Variants in PDE4D observed in about 807,000 individuals in gnomAD.
PDE4D encodes phosphodiesterase 4D, also known as 3',5'-cyclic-AMP phosphodiesterase 4D.
PDE4D carries 24 observed loss-of-function variants against 87.4 expected under a neutral mutation model. The ratio of observed to expected loss-of-function variants is 0.27; its 90% CI spans 0.20 to 0.39. The LOEUF (loss-of-function observed/expected upper bound fraction) is 0.39, where lower values mean the gene tolerates loss of function less well. PDE4D is among the 10% of genes least tolerant of loss of function. The pLI, the probability that PDE4D is intolerant of heterozygous loss-of-function variation, is 1.00. For missense variants in PDE4D, 714 were observed against 1,041.0 expected (o/e 0.69, Z 4.32); for synonymous variants, 384 against 383.2 (o/e 1.00, Z -0.02).
Position 59,647,020 on chromosome 5 carries a change from G to A in PDE4D, c.455+246148C>T, listed in dbSNP as rs559258322. Reference sequence around the variant, plus strand: ...ACTGCACTCCAGCCTGGGTGACAGAGAGAGACTCTATCTCAAACAAAAACA... The same window carrying A: ...ACTGCACTCCAGCCTGGGTGACAGAAAGAGACTCTATCTCAAACAAAAACA... On this transcript the variant is annotated intron_variant, in intron 1 of 14. Coordinates refer to ENST00000340635, the MANE Select transcript of PDE4D (RefSeq NM_001104631.2). 6.6e-5 allele frequency among the ~76,000 whole-genome samples: 10 copies of A among 152,208 alleles called. No homozygotes were observed. The East Asian group carries it at 1.5e-3, about 23-fold the overall frequency.
chr5:60,389,925 T>C (rs1181741960), intron 1 of PDE4D, among the ~76,000 whole-genome samples: 1 of 152,242 alleles, frequency 6.6e-6, no homozygotes, highest in Non-Finnish European at 1.5e-5. Flanking sequence ...GGCCATGTTT[T>C]AAAGCTGCCA....
chr5:59,676,096 T>TACAC (rs758761936), intron 1 of PDE4D, among the ~76,000 whole-genome samples: 19 of 137,432 alleles, frequency 1.4e-4, no homozygotes, highest in South Asian at 7.0e-4. Context: ...TGTATATGTA[T>TACAC]ATACACACAC....
At chr5:60,460,255 T>TCAC (rs1179765526) in intron 1 of PDE4D, 4 of 1,105,676 alleles carry the variant, frequency 3.6e-6, no homozygotes, top group Non-Finnish European at 5.6e-6. Flanking sequence ...TGAAGATGGA[T>TCAC]CACCACTCTC....
chr5:60,039,941 G>A (rs972995104), intron 2 of PDE4D, among the ~76,000 whole-genome samples: 8 of 152,104 alleles, frequency 5.3e-5, no homozygotes, highest in African/African-American at 1.9e-4. Context: ...ATTTATTGTG[G>A]AAATAAATTC....
At chr5:60,346,746 AACAC>A (rs1475666725) in intron 1 of PDE4D, among the ~76,000 whole-genome samples, 1 of 152,120 alleles carries the variant, frequency 6.6e-6, no homozygotes, top group Non-Finnish European at 1.5e-5. Flanking sequence ...AAAGGGGATA[AACAC>A]TCCTATTTGC....
At chr5:60,305,708 T>A (rs1475588324) in intron 1 of PDE4D, among the ~76,000 whole-genome samples, 1 of 141,692 alleles carries the variant, frequency 7.1e-6, no homozygotes, top group South Asian at 2.2e-4. Flanking sequence ...ACTTCTTACT[T>A]AAAAAAAAAA....
At chr5:60,501,360 A>C (rs896014413) in intron 1 of PDE4D, among the ~76,000 whole-genome samples, 1 of 151,790 alleles carries the variant, frequency 6.6e-6, no homozygotes, top group Non-Finnish European at 1.5e-5. Flanking sequence ...ATAGTATTCC[A>C]TGGTGTATAT....
chr5:59,760,724 A>G (rs1033103909), intron 1 of PDE4D, among the ~76,000 whole-genome samples: 2 of 152,184 alleles, frequency 1.3e-5, no homozygotes, highest in Non-Finnish European at 2.9e-5. Flanking sequence ...AATGCTACCC[A>G]TGAATATTAG....
chr5:59,893,368 C>CGGGGGCGGCGGCAGG lies in PDE4D; in HGVS notation c.240_254dup (p.Leu81_Pro85dup), dbSNP rs755378627. ...GGCCGCGGGCAGCCCCGGGCGGCGG[C>CGGGGGCGGCGGCAGG]GGGGGCGGCGGCAGGGGGGGCGGCG... On this transcript the variant is annotated inframe_insertion, in exon 1 of 15. Coordinates refer to ENST00000340635, the MANE Select transcript of PDE4D (RefSeq NM_001104631.2). The CGGGGGCGGCGGCAGG allele has an allele frequency of 1.9e-4, 239 of 1,240,752 alleles. 1 individual carries two copies. In the African/African-American group the frequency reaches 3.4e-3, roughly 18 times the overall value. The allele number at this position is 1,240,752 out of a possible 1,614,324, so 76.9% of individuals were successfully genotyped here. A position where few individuals can be genotyped will look rare whatever the true frequency, so the allele number is the denominator to read the frequency against.
At chr5:60,000,506 A>G (rs1763922856) in intron 2 of PDE4D, among the ~76,000 whole-genome samples, 1 of 152,194 alleles carries the variant, frequency 6.6e-6, no homozygotes, top group South Asian at 2.1e-4. Flanking sequence ...AATGGAGGAG[A>G]AATAAAGATA....
At chr5:59,456,317 A>G (rs1799918747) in intron 1 of PDE4D, among the ~76,000 whole-genome samples, 1 of 152,178 alleles carries the variant, frequency 6.6e-6, no homozygotes, top group South Asian at 2.1e-4. Flanking sequence ...AATGAGTCTC[A>G]TAAGATCTGA....
intron 1 of PDE4D, among the ~76,000 whole-genome samples, chr5:60,211,454 G>A (rs1026492305): frequency 7.0e-6 from 1 of 142,396 alleles, no homozygotes; most frequent in South Asian, 2.1e-4. Flanking sequence ...AAGAATCTTG[G>A]GGGGGTGGGG....
At chr5:59,264,623 GT>G (rs1422627630) in intron 1 of PDE4D, among the ~76,000 whole-genome samples, 1 of 151,904 alleles carries the variant, frequency 6.6e-6, no homozygotes, top group Non-Finnish European at 1.5e-5. Context: ...ATCTTTAATG[GT>G]TAATTTTTTT....
chr5:59,188,870 C>T (rs1030984652), intron 3 of PDE4D, among the ~76,000 whole-genome samples: 9 of 152,066 alleles, frequency 5.9e-5, no homozygotes, highest in Admixed American at 2.6e-4. Context: ...TTATATGGTT[C>T]GCTCTTAAAA....
At chr5:59,349,736 T>C (rs1296428995) in intron 1 of PDE4D, among the ~76,000 whole-genome samples, 1 of 151,918 alleles carries the variant, frequency 6.6e-6, no homozygotes, top group Non-Finnish European at 1.5e-5. Flanking sequence ...CAGTTTGGAG[T>C]GTCTTTTCTT....
At chr5:60,469,641 G>C (rs187560696) in intron 1 of PDE4D, among the ~76,000 whole-genome samples, 1 of 152,200 alleles carries the variant, frequency 6.6e-6, no homozygotes, top group Admixed American at 6.6e-5. Context: ...TCACATTTTG[G>C]TAATTCTTAT....
At chr5:59,108,632 GC>G (rs1561497239) in intron 5 of PDE4D, among the ~76,000 whole-genome samples, 1 of 152,110 alleles carries the variant, frequency 6.6e-6, no homozygotes, top group African/African-American at 2.4e-5. Flanking sequence ...GGTGGCTCAC[GC>G]CCGTAGTCCC....
intron 3 of PDE4D, among the ~76,000 whole-genome samples, chr5:59,914,542 G>GTA (rs1753797972): frequency 6.8e-6 from 1 of 146,086 alleles, no homozygotes; most frequent in African/African-American, 2.6e-5. Flanking sequence ...ATGTATGTGT[G>GTA]TGTGTGTGTG....
chr5:60,115,275 G>A (rs910054910), intron 2 of PDE4D, among the ~76,000 whole-genome samples: 5 of 152,006 alleles, frequency 3.3e-5, no homozygotes, highest in African/African-American at 1.2e-4. Context: ...TGCTGGAATG[G>A]TTATGAGTCA....
Sources: allele counts gnomAD v4.1 joint callset (sites outside exome capture counted in the v4.1 genomes callset), GRCh38; gene constraint gnomAD v4.1.1; transcripts MANE v1.5; gene names NCBI Gene and HGNC (gene_info 2026-07-23, HGNC 2026-07-21).